Variants in MACROD2 observed in about 807,000 individuals in gnomAD.
MACROD2 encodes the protein mono-ADP ribosylhydrolase 2, also known as ADP-ribose glycohydrolase MACROD2.
A neutral mutation model predicts 70.4 loss-of-function variants in MACROD2; 36 were observed. The ratio of observed to expected loss-of-function variants is 0.51; its 90% confidence interval spans 0.39 to 0.68. MACROD2 has a LOEUF of 0.68. Among genes scored for constraint, MACROD2 ranks in the 30% least tolerant of loss-of-function variants. The pLI is 0.00. For synonymous variants in MACROD2, 172 were observed against 178.8 expected (o/e 0.96, Z 0.30); for missense variants, 496 against 538.4 (o/e 0.92, Z 0.78).
intron 5 of MACROD2, among the ~76,000 whole-genome samples, chr20:15,127,225 A>G (rs1012429932): frequency 1.3e-5 from 2 of 152,246 alleles, no homozygotes; most frequent in East Asian, 1.9e-4. Flanking sequence ...AGAGTGCAGT[A>G]GAAGTGACTG....
chr20:15,922,308 G>A (rs552285470), intron 10 of MACROD2, among the ~76,000 whole-genome samples: 5 of 151,100 alleles, frequency 3.3e-5, no homozygotes, highest in African/African-American at 1.2e-4. Context: ...TTTTTCAGAA[G>A]CCACATTTAT....
At chr20:14,776,086 C>G (rs1425529894) in intron 5 of MACROD2, among the ~76,000 whole-genome samples, 1 of 151,960 alleles carries the variant, frequency 6.6e-6, no homozygotes, top group Admixed American at 6.6e-5. Context: ...CATGACTGCT[C>G]ATCAGTCAGG....
At chr20:14,756,170 A>C (rs1158950330) in intron 5 of MACROD2, among the ~76,000 whole-genome samples, 1 of 151,474 alleles carries the variant, frequency 6.6e-6, no homozygotes, top group African/African-American at 2.4e-5. Flanking sequence ...TGCTTACTAA[A>C]CTCCGTGGCT....
intron 5 of MACROD2, among the ~76,000 whole-genome samples, chr20:14,686,813 A>G (rs1038331866): frequency 1.3e-5 from 2 of 152,130 alleles, no homozygotes; most frequent in African/African-American, 2.4e-5. Context: ...TATGCTGTTT[A>G]ATTTTTCCTT....
At chr20:15,030,250 T>C (rs1439662039) in intron 5 of MACROD2, among the ~76,000 whole-genome samples, 1 of 152,138 alleles carries the variant, frequency 6.6e-6, no homozygotes, top group East Asian at 1.9e-4. Context: ...ATTAATGTTC[T>C]CTAAAGCAGT....
chr20:15,710,575 C>CT (rs932867383), intron 8 of MACROD2, among the ~76,000 whole-genome samples: 1 of 152,196 alleles, frequency 6.6e-6, no homozygotes, highest in Non-Finnish European at 1.5e-5. Context: ...CATTTTATCT[C>CT]TAACAGATGT....
At chr20:14,141,043 G>A (rs1246741975) in intron 3 of MACROD2, among the ~76,000 whole-genome samples, 2 of 152,120 alleles carry the variant, frequency 1.3e-5, no homozygotes, top group Non-Finnish European at 2.9e-5. Flanking sequence ...ATTTACTGTA[G>A]CATATGCTTC....
chr20:15,042,510 G>A (rs1480681162), intron 5 of MACROD2, among the ~76,000 whole-genome samples: 1 of 152,182 alleles, frequency 6.6e-6, no homozygotes, highest in Non-Finnish European at 1.5e-5. Context: ...TATGACAAGA[G>A]TATTGGGGCC....
chr20:14,586,756 A>G (rs889802115), intron 4 of MACROD2, among the ~76,000 whole-genome samples: 1 of 152,040 alleles, frequency 6.6e-6, no homozygotes, highest in Non-Finnish European at 1.5e-5. Flanking sequence ...TACTTTTGTC[A>G]TATCTAGAAT....
intron 3 of MACROD2, among the ~76,000 whole-genome samples, chr20:14,339,256 G>T (rs2082987508): frequency 6.6e-6 from 1 of 152,114 alleles, no homozygotes; most frequent in Admixed American, 6.5e-5. Context: ...GGCCTCAGAG[G>T]ACAGACCCAT....
chr20:15,425,484 A>G (rs2046285310), intron 6 of MACROD2, among the ~76,000 whole-genome samples: 1 of 152,196 alleles, frequency 6.6e-6, no homozygotes, highest in African/African-American at 2.4e-5. Context: ...ATAATGAAAA[A>G]CACTTAAATG....
intron 5 of MACROD2, among the ~76,000 whole-genome samples, chr20:14,724,481 G>A (rs1302966408): frequency 2.6e-5 from 4 of 152,098 alleles, no homozygotes; most frequent in South Asian, 2.1e-4. Context: ...AAGGAAATAA[G>A]CAACATGAGT....
In MACROD2 at chr20:15,000,924, G is replaced by T. The variant is rs566287191; in HGVS notation, c.419-229016G>T. 8.5e-5 allele frequency among the ~76,000 whole-genome samples: 13 copies of T among 152,170 alleles called. No homozygotes were observed. The South Asian group carries it at 2.7e-3, about 32-fold the overall frequency. ...AATATTTTGATTTTGGCTGTATTTT[G>T]ATTGCAAATCTGTGTACTGCAAAAC... On this transcript the variant is annotated intron_variant, in intron 5 of 17. Transcript: ENST00000684519.
At chr20:14,323,131 A>G (rs6042669) in intron 3 of MACROD2, 105,382 of 151,976 alleles carry the variant, frequency 0.69, 37,099 homozygotes, top group Non-Finnish European at 0.75. Flanking sequence ...GTTTAATCCC[A>G]ACACTGTCTA....
chr20:14,852,071 G>T (rs2073205067), intron 5 of MACROD2, among the ~76,000 whole-genome samples: 1 of 152,146 alleles, frequency 6.6e-6, no homozygotes, highest in Non-Finnish European at 1.5e-5. Flanking sequence ...ACTTCCAAGG[G>T]GAGAGCAGAG....
chr20:14,655,644 C>A (rs2123521088), intron 4 of MACROD2, among the ~76,000 whole-genome samples: 1 of 152,016 alleles, frequency 6.6e-6, no homozygotes, highest in Non-Finnish European at 1.5e-5. Flanking sequence ...AATTTAATAT[C>A]CCTTCTCTTT....
chr20:15,776,581 A>G (rs6043537), intron 8 of MACROD2, among the ~76,000 whole-genome samples: 14,246 of 152,224 alleles, frequency 0.094, 1,435 homozygotes, highest in East Asian at 0.33. Context: ...ATCAAATCAT[A>G]TAATAAAATA....
chr20:14,230,631 T>TTATATATA (rs71190119), intron 3 of MACROD2, among the ~76,000 whole-genome samples: 1 of 94,262 alleles, frequency 1.1e-5, no homozygotes, highest in Non-Finnish European at 1.9e-5. Flanking sequence ...TCATTCATGT[T>TTATATATA]TATATATATA....
At chr20:15,896,213 T>C (rs1355961175) in intron 10 of MACROD2, among the ~76,000 whole-genome samples, 3 of 152,202 alleles carry the variant, frequency 2.0e-5, no homozygotes, top group African/African-American at 7.2e-5. Context: ...TTTTTATTTA[T>C]AGATCTCTCA....
Sources: allele counts gnomAD v4.1 joint callset (sites outside exome capture counted in the v4.1 genomes callset), GRCh38; gene constraint gnomAD v4.1.1; transcripts MANE v1.5; gene names NCBI Gene and HGNC (gene_info 2026-07-23, HGNC 2026-07-21).